The following GNAI1 variants were observed in gnomAD, a reference collection of about 807,000 sequenced individuals.
GNAI1 encodes the protein G protein subunit alpha i1.
In GNAI1, 11 loss-of-function variants were observed where a neutral mutation model predicts 38.9. That is an observed-to-expected ratio of 0.28 (90% confidence interval 0.18 to 0.47). The LOEUF is 0.47. Ranked by LOEUF, GNAI1 falls within the 20% of genes least tolerant of loss-of-function variation. The probability of loss-of-function intolerance (pLI) is 0.99; values close to 1 mark genes in which losing one functional copy is unlikely to be tolerated. For synonymous variants in GNAI1, 166 were observed against 145.1 expected, an observed-to-expected ratio of 1.14 and a Z score of -1.04; for missense variants, 317 against 436.9, an observed-to-expected ratio of 0.73 and a Z score of 2.45.
intron 4 of GNAI1, 92 bp from the exon 5 acceptor site, chr7:80,203,612 G>T (rs990244439): frequency 1.4e-6 from 1 of 722,092 alleles, no homozygotes; most frequent in Non-Finnish European, 2.3e-6. Context: ...TCAGATTATC[G>T]CTTGTATTGA....
chr7:80,135,655 C>CCCA lies in GNAI1; in HGVS notation c.118+379_118+380insACC, dbSNP rs1554345577. On this transcript the variant is annotated intron_variant, in intron 1 of 7. Transcript: ENST00000649796. The stretch of plus-strand genomic sequence containing the variant: ...CGGCTAGAAAATGAAAACACCCCCC[C>CCCA]CCCCGCGCCACCAACCCCCTCCCGG... The CCCA allele has an allele frequency of 3.9e-4, 64 of 162,102 alleles. 9 individuals are homozygous for CCCA. The highest frequency in any genetic ancestry group is 2.4e-4 in the Non-Finnish European group (20 of 82,020). The allele number at this position is 162,102 out of a possible 1,614,324, so 10.0% of individuals were successfully genotyped here. A position where few individuals can be genotyped will look rare whatever the true frequency, so the allele number is the denominator to read the frequency against.
intron 1 of GNAI1, among the ~76,000 whole-genome samples, chr7:80,185,655 T>A (rs1788373849): frequency 6.6e-6 from 1 of 152,154 alleles, no homozygotes; most frequent in Non-Finnish European, 1.5e-5. Flanking sequence ...CTTTCTCTGC[T>A]GCAGCCCAGG....
intron 1 of GNAI1, among the ~76,000 whole-genome samples, chr7:80,175,350 A>C (rs1310105172): frequency 6.8e-6 from 1 of 147,858 alleles, no homozygotes; most frequent in Admixed American, 6.9e-5. Flanking sequence ...TAAAAAATAT[A>C]TATGTGTATA....
intron 1 of GNAI1, among the ~76,000 whole-genome samples, chr7:80,146,219 C>G (rs1468935689): frequency 1.3e-5 from 2 of 152,184 alleles, no homozygotes; most frequent in South Asian, 2.1e-4. Context: ...CTCTGCCTCT[C>G]TTTTCCCTGT....
chr7:80,211,593 A>G (rs10234223), intron 6 of GNAI1, among the ~76,000 whole-genome samples: 13,961 of 151,694 alleles, frequency 0.092, 815 homozygotes, highest in South Asian at 0.2. Flanking sequence ...TGATTTTTGT[A>G]TTTTTAGTAG....
At chr7:80,181,343 A>G (rs1443296946) in intron 1 of GNAI1, among the ~76,000 whole-genome samples, 1 of 152,156 alleles carries the variant, frequency 6.6e-6, no homozygotes, top group Admixed American at 6.5e-5. Context: ...GGACTTATAA[A>G]CACAAACTCA....
chr7:80,212,723 T>G lies in GNAI1; in HGVS notation c.728T>G (p.Met243Arg). ...VLAEDEEMNR[M>R]HESMKLFDSI... The stretch of plus-strand genomic sequence containing the variant: ...TATTTTTTTCTATTACAGAACCGAA[T>G]GCATGAAAGCATGAAATTGTTTGAC... Residue 243 changes from methionine to arginine, a missense_variant, in exon 7 of 8, where the codon ATG becomes AGG. Around this residue, in one of 5 missense-constraint regions of GNAI1, gnomAD observed 158 missense variants for 234.7 expected, o/e 0.67. Transcript: ENST00000649796. 1 of 1,528,784 alleles carries G rather than the reference T, an allele frequency of 6.5e-7. No individual in the cohort carries two copies. Among genetic ancestry groups the G allele is most frequent in the South Asian group, 1.3e-5 (1 of 74,730 alleles). 94.7% of individuals were successfully genotyped at this position (1,528,784 alleles called of 1,614,324 possible).
intron 1 of GNAI1, among the ~76,000 whole-genome samples, chr7:80,182,876 G>A (rs368059503): frequency 6.6e-6 from 1 of 152,122 alleles, no homozygotes; most frequent in East Asian, 1.9e-4. Flanking sequence ...TACCTTTACT[G>A]TGGTAATTGG....
chr7:80,216,182 C>T (rs761304749), intron 7 of GNAI1, among the ~76,000 whole-genome samples: 2 of 150,756 alleles, frequency 1.3e-5, no homozygotes, highest in South Asian at 2.1e-4. Context: ...TACATACATA[C>T]GTACACACAC....
At chr7:80,215,537 A>C (rs556945156) in intron 7 of GNAI1, among the ~76,000 whole-genome samples, 2 of 152,356 alleles carry the variant, frequency 1.3e-5, no homozygotes, top group South Asian at 4.1e-4. Flanking sequence ...AAAATCTCAT[A>C]ATCTATGCTG....
rs752076560 is a variant in GNAI1 at position 80,178,807 on chromosome 7, T to A, written c.119-10144T>A. On this transcript the variant is annotated intron_variant, in intron 1 of 7. Coordinates refer to ENST00000649796, the MANE Select transcript of GNAI1 (RefSeq NM_002069.6). The stretch of plus-strand genomic sequence containing the variant: ...ACCCGTAATATCTCTGAGGTATACC[T>A]GTACAAAAATAAGAAAACTTCATAG... Among the ~76,000 whole-genome samples, 7 of 152,298 alleles carry A rather than the reference T, an allele frequency of 4.6e-5. No individual in the cohort carries two copies. The Middle Eastern group carries it at 0.017, about 370-fold the overall frequency.
intron 1 of GNAI1, among the ~76,000 whole-genome samples, chr7:80,151,004 T>C (rs928940805): frequency 3.3e-5 from 5 of 152,218 alleles, no homozygotes; most frequent in Admixed American, 3.3e-4. Flanking sequence ...CGTCAGTAGC[T>C]CTGTTTATTT....
intron 3 of GNAI1, among the ~76,000 whole-genome samples, chr7:80,197,936 A>T (rs1470915421): frequency 6.6e-6 from 1 of 152,122 alleles, no homozygotes; most frequent in Non-Finnish European, 1.5e-5. Context: ...CTTTATAAGC[A>T]TCTGCTACAA....
At chr7:80,174,287 T>A (rs970183498) in intron 1 of GNAI1, among the ~76,000 whole-genome samples, 1 of 152,174 alleles carries the variant, frequency 6.6e-6, no homozygotes, top group Non-Finnish European at 1.5e-5. Context: ...CACTCAGAGA[T>A]CATTGTTCTG....
chr7:80,147,201 C>T (rs1481382259), intron 1 of GNAI1, among the ~76,000 whole-genome samples: 1 of 151,984 alleles, frequency 6.6e-6, no homozygotes, highest in Non-Finnish European at 1.5e-5. Flanking sequence ...ATTCCTTTGT[C>T]ATAAATAAAT....
chr7:80,201,168 T>C (rs992431418), intron 4 of GNAI1, among the ~76,000 whole-genome samples: 8 of 152,154 alleles, frequency 5.3e-5, no homozygotes, highest in Admixed American at 5.2e-4. Flanking sequence ...AAAAAATACT[T>C]ACAGGAAGAA....
intron 5 of GNAI1, 84 bp downstream of exon 5, chr7:80,203,916 A>G (rs1447849442): frequency 5.1e-6 from 4 of 791,404 alleles, no homozygotes; most frequent in African/African-American, 1.8e-5. Flanking sequence ...AAAGTTTACA[A>G]CATTTTTACA....
In GNAI1 at chr7:80,200,324, C is replaced by CAAAAAAAAAAAAAAA. The variant is rs59511755; in HGVS notation, c.461+951_461+965dup. ...CTGGAGATGGAGTGAGGCCATGTCT[C>CAAAAAAAAAAAAAAA]AAAAAAAAAAAAAAAAAAAAAAACC... On this transcript the variant is annotated intron_variant, in intron 4 of 7. Transcript: ENST00000649796. Among the ~76,000 whole-genome samples the CAAAAAAAAAAAAAAA allele has an allele frequency of 3.4e-3, 139 of 40,368 alleles. 35 individuals carry two copies. The highest frequency in any genetic ancestry group is 0.018 in the African/African-American group (107 of 6,038). 26.5% of individuals were successfully genotyped at this position (40,368 alleles called of 152,430 possible). A position where few individuals can be genotyped will look rare whatever the true frequency, so the allele number is the denominator to read the frequency against.
At position 80,219,831 on chromosome 7, in the gene GNAI1, T is replaced by A. The variant is rs1562847883; in HGVS notation, c.*2338T>A. 6.6e-6 allele frequency among the ~76,000 whole-genome samples: 1 copy of A among 152,200 alleles called. No individual in the cohort carries two copies. The highest frequency in any genetic ancestry group is 2.1e-4 in the South Asian group (1 of 4,834). On this transcript the variant is annotated 3_prime_UTR_variant, in exon 8 of 8. Coordinates refer to ENST00000649796, the MANE Select transcript of GNAI1 (RefSeq NM_002069.6). ...ACCTATCAACCTGTCATCTAAGTTT[T>A]AAGCCCTGCATGCATTAGGTGGAAC...
Sources: allele counts gnomAD v4.1 joint callset (sites outside exome capture counted in the v4.1 genomes callset), GRCh38; gene constraint gnomAD v4.1.1; regional missense constraint gnomAD v4.1.1; transcripts MANE v1.5; gene names NCBI Gene and HGNC (gene_info 2026-07-23, HGNC 2026-07-21).